Variants in PRKN observed in about 807,000 individuals in gnomAD.
PRKN encodes the protein parkin RBR E3 ubiquitin protein ligase.
A neutral mutation model predicts 59.5 loss-of-function variants in PRKN; 56 were observed. The observed-to-expected ratio is 0.94, with a 90% CI of 0.76 to 1.18. PRKN has a LOEUF of 1.18. PRKN is among the 50% of genes most tolerant of loss of function. PRKN has a pLI of 0.00. For synonymous variants in PRKN, 250 were observed against 222.1 expected, an observed-to-expected ratio of 1.13 and a Z score of -1.12; for missense variants, 657 against 596.4, an observed-to-expected ratio of 1.10 and a Z score of -1.06.
At chr6:162,380,507 GTGTATATATATATATATGTA>G (rs1786414093) in intron 2 of PRKN, among the ~76,000 whole-genome samples, 1 of 34,850 alleles carries the variant, frequency 2.9e-5, no homozygotes, top group Admixed American at 2.5e-4. Flanking sequence ...ATATATATGT[GTGTATATATATATATATGTA>G]TATATACATA....
At position 161,933,664 on chromosome 6, in the gene PRKN, G is replaced by A. The variant is rs12195181; in HGVS notation, c.734+39638C>T. ...TCCTACAATGTAAATGAAGCTCACA[G>A]TTCCCCTGCAGACATTTCAGGGAAC... On this transcript the variant is annotated intron_variant, in intron 6 of 11. Transcript: ENST00000366898. Among the ~76,000 whole-genome samples, 707 of 152,008 alleles carry A rather than the reference G, an allele frequency of 4.7e-3. 3 individuals carry two copies. The highest frequency in any genetic ancestry group is 0.014 in the Middle Eastern group (4 of 294).
In PRKN at chr6:162,217,004, C is replaced by T. The variant is rs114695055; in HGVS notation, c.413-15752G>A. Reference sequence around the variant, plus strand: ...CAATAGACTTAGTTCTACTTTAATACTTAATTGATATTGCAAACACCAAGA... The same window carrying T: ...CAATAGACTTAGTTCTACTTTAATATTTAATTGATATTGCAAACACCAAGA... On this transcript the variant is annotated intron_variant, in intron 3 of 11. Coordinates refer to ENST00000366898, the MANE Select transcript of PRKN (RefSeq NM_004562.3). Among the ~76,000 whole-genome samples, 1,119 of 152,256 alleles carry T rather than the reference C, an allele frequency of 7.3e-3. 13 individuals carry two copies. The highest frequency in any genetic ancestry group is 0.025 in the African/African-American group (1,057 of 41,546).
chr6:161,588,111 C>T lies in PRKN; in HGVS notation c.872-18695G>A, dbSNP rs928634458. Among the ~76,000 whole-genome samples, 13 of 152,022 alleles carry T rather than the reference C, an allele frequency of 8.6e-5. No homozygotes were observed. The highest frequency in any genetic ancestry group is 2.4e-4 in the African/African-American group (10 of 41,396). ...AAAATTTACTCTATGGGGGGCTGGG[C>T]GCGGTGGCTCATGCCTGTAATCCCA... On this transcript the variant is annotated intron_variant, in intron 7 of 11. Coordinates refer to ENST00000366898, the MANE Select transcript of PRKN (RefSeq NM_004562.3). This position sits in a 1 kb window ranked among gnomAD's most constrained non-coding sequence, Gnocchi z 5.0.
At chr6:162,199,519 C>G (rs892881608) in intron 4 of PRKN, among the ~76,000 whole-genome samples, 1 of 152,106 alleles carries the variant, frequency 6.6e-6, no homozygotes, top group Non-Finnish European at 1.5e-5. Flanking sequence ...TATATGCCAC[C>G]TAAAGCAATC....
chr6:161,356,440 G>C lies in PRKN; in HGVS notation c.1285+3648C>G, dbSNP rs1410948141. Among the ~76,000 whole-genome samples, 1 of 152,184 alleles carries C rather than the reference G, an allele frequency of 6.6e-6. No individual in the cohort carries two copies. Among genetic ancestry groups the C allele is most frequent in the Non-Finnish European group, 1.5e-5 (1 of 68,044 alleles). On this transcript the variant is annotated intron_variant, in intron 11 of 11. Transcript: ENST00000366898. This position sits in a 1 kb window ranked among gnomAD's most constrained non-coding sequence, Gnocchi z 7.8. ...TGGGGACCCCCGGGGGGAAGGGCAG[G>C]ACTGACATGGCCTTTGAGAAGTCTA...
rs1294433142 is a variant in PRKN, at chr6:161,518,322, C to T, written c.1083+30532G>A. 6.6e-6 allele frequency among the ~76,000 whole-genome samples: 1 copy of T among 152,218 alleles called. No homozygotes were observed. Among genetic ancestry groups the T allele is most frequent in the Non-Finnish European group, 1.5e-5 (1 of 68,050 alleles). On this transcript the variant is annotated intron_variant, in intron 9 of 11. Coordinates refer to ENST00000366898, the MANE Select transcript of PRKN (RefSeq NM_004562.3). This position sits in a 1 kb window ranked among gnomAD's most constrained non-coding sequence, Gnocchi z 5.0. ...AGATGAGAGGACTTCACAAAGCTGCCCACTGCCACTGAGCAAACAGAATGT... is the reference window on the plus strand; with the variant it reads ...AGATGAGAGGACTTCACAAAGCTGCTCACTGCCACTGAGCAAACAGAATGT...
intron 7 of PRKN, among the ~76,000 whole-genome samples, chr6:161,746,745 A>G (rs1562651517): frequency 6.8e-6 from 1 of 146,484 alleles, no homozygotes; most frequent in East Asian, 2.0e-4. Context: ...GATTCTAGAT[A>G]TGCACATATA....
intron 6 of PRKN, among the ~76,000 whole-genome samples, chr6:161,817,797 C>T (rs1195420178): frequency 3.3e-5 from 5 of 152,162 alleles, no homozygotes; most frequent in African/African-American, 7.2e-5. Context: ...ACTCCTACAG[C>T]GTAAGAAATC....
chr6:161,568,603 T>C (rs1291322937), intron 8 of PRKN, among the ~76,000 whole-genome samples: 1 of 151,902 alleles, frequency 6.6e-6, no homozygotes, highest in East Asian at 1.9e-4. Context: ...AAAAAATAAA[T>C]AAAATAAAAT....
intron 7 of PRKN, among the ~76,000 whole-genome samples, chr6:161,709,594 G>A (rs916839836): frequency 6.6e-6 from 1 of 152,140 alleles, no homozygotes; most frequent in Admixed American, 6.5e-5. Context: ...GGCCAACTGG[G>A]TATGTATTTA....
chr6:161,349,719 C>T lies in PRKN; in HGVS notation c.*380G>A, dbSNP rs1784444106. On this transcript the variant is annotated 3_prime_UTR_variant, in exon 12 of 12. Coordinates refer to ENST00000366898, the MANE Select transcript of PRKN (RefSeq NM_004562.3). This position sits in a 1 kb window ranked among gnomAD's most constrained non-coding sequence, Gnocchi z 5.5. ...ACTCTCTCTCCAGCTACTGATTCTG[C>T]CTGTCTCGAATTCAGGTGAGAATGA... 2.7e-6 allele frequency: 1 copy of T among 371,272 alleles called. No individual in the cohort carries two copies. Among genetic ancestry groups the T allele is most frequent in the Non-Finnish European group, 5.0e-6 (1 of 199,876 alleles). The allele number at this position is 371,272 out of a possible 1,614,324, so 23.0% of individuals were successfully genotyped here.
intron 7 of PRKN, among the ~76,000 whole-genome samples, chr6:161,599,844 T>C (rs1782045434): frequency 6.6e-6 from 1 of 152,172 alleles, no homozygotes; most frequent in African/African-American, 2.4e-5. Context: ...TTCGTTTATT[T>C]TTGGAAAGAA....
At chr6:162,115,678 G>A (rs1419575373) in intron 4 of PRKN, among the ~76,000 whole-genome samples, 1 of 150,892 alleles carries the variant, frequency 6.6e-6, no homozygotes, top group Non-Finnish European at 1.5e-5. Context: ...GGCCTTGAGT[G>A]TTCGGAGGAT....
At chr6:161,957,740 T>C (rs1213749894) in intron 6 of PRKN, among the ~76,000 whole-genome samples, 4 of 151,952 alleles carry the variant, frequency 2.6e-5, no homozygotes, top group African/African-American at 9.7e-5. Context: ...TCTCTTGATT[T>C]TGTTTGCTTT....
intron 3 of PRKN, among the ~76,000 whole-genome samples, chr6:162,225,063 G>A (rs1313025223): frequency 6.6e-6 from 1 of 152,128 alleles, no homozygotes; most frequent in African/African-American, 2.4e-5. Context: ...TTGAGGCTGG[G>A]AAGTCCAAGA....
At chr6:161,577,132 T>C (rs1781161624) in intron 7 of PRKN, among the ~76,000 whole-genome samples, 2 of 152,198 alleles carry the variant, frequency 1.3e-5, no homozygotes, top group South Asian at 4.1e-4. Context: ...GAAAAGCTAA[T>C]ACTTCTATGA....
intron 4 of PRKN, among the ~76,000 whole-genome samples, chr6:162,154,430 A>C (rs1314699081): frequency 6.6e-6 from 1 of 152,082 alleles, no homozygotes; most frequent in African/African-American, 2.4e-5. Context: ...TTCTCAGGGG[A>C]CCATTTGTGA....
At chr6:161,537,673 G>T (rs190990193) in intron 9 of PRKN, among the ~76,000 whole-genome samples, 4 of 152,058 alleles carry the variant, frequency 2.6e-5, no homozygotes, top group Non-Finnish European at 5.9e-5. Context: ...GGATGGTCTC[G>T]ATCTCCTGAC....
chr6:162,492,122 A>G (rs1169573488), intron 1 of PRKN, among the ~76,000 whole-genome samples: 1 of 152,136 alleles, frequency 6.6e-6, no homozygotes, highest in Non-Finnish European at 1.5e-5. Context: ...CCTCTTCTGT[A>G]CTTCTGGAAG....
Sources: gnomAD v4.1 joint callset for allele counts (sites outside exome capture counted in the v4.1 genomes callset) on GRCh38, gnomAD v4.1.1 for gene constraint, Gnocchi (gnomAD v3.1) non-coding constraint, MANE v1.5 for transcripts, NCBI Gene and HGNC (gene_info 2026-07-23, HGNC 2026-07-21) for gene names.